Variants in USP37 observed in about 807,000 individuals in gnomAD.
The protein encoded by USP37 is ubiquitin carboxyl-terminal hydrolase 37.
Under a neutral mutation model 124.0 loss-of-function variants are expected in USP37, and 27 were observed. That is an observed-to-expected ratio of 0.22 (90% CI 0.16 to 0.30). The LOEUF is 0.30. USP37 is among the 10% of genes least tolerant of loss of function. The pLI, the probability that USP37 is intolerant of heterozygous loss-of-function variation, is 1.00. For missense variants in USP37, 889 were observed against 1,140.4 expected, an observed-to-expected ratio of 0.78 and a Z score of 3.17; for synonymous variants, 365 against 388.0, an observed-to-expected ratio of 0.94 and a Z score of 0.70.
rs1241979317 is a variant in USP37 at position 218,453,801 on chromosome 2, G to A, written c.*1129C>T. The A allele has an allele frequency of 6.6e-6, 1 of 152,182 alleles. No individual in the cohort carries two copies. The highest frequency in any genetic ancestry group is 6.5e-5 in the Admixed American group (1 of 15,276). 9.4% of individuals were successfully genotyped at this position (152,182 alleles called of 1,614,324 possible). ...ATTGCAACCCTATTTTAAGGGCAAA[G>A]CCAGACAGTAAATGGTTAAATGCCC... On this transcript the variant is annotated 3_prime_UTR_variant, in exon 26 of 26. Coordinates refer to ENST00000258399, the MANE Select transcript of USP37 (RefSeq NM_020935.3).
rs538888555 is a variant in USP37, at chr2:218,502,202, CA to C, written c.1026-4046del. Among the ~76,000 whole-genome samples the C allele has an allele frequency of 9.9e-5, 15 of 151,656 alleles. No homozygotes were observed. In the East Asian group the frequency reaches 2.9e-3, roughly 29 times the overall value. ...ACTACTGCAGACAAGAATATTAAAA[CA>C]ACTACTTAAAATATGCTCTACACGA... On this transcript the variant is annotated intron_variant, in intron 11 of 25. Coordinates refer to ENST00000258399, the MANE Select transcript of USP37 (RefSeq NM_020935.3).
At chr2:218,548,145 T>C (rs1157300941) in intron 6 of USP37, among the ~76,000 whole-genome samples, 1 of 152,162 alleles carries the variant, frequency 6.6e-6, no homozygotes, top group Non-Finnish European at 1.5e-5. Context: ...CACAGACCAA[T>C]GATAAGTCTC....
intron 4 of USP37, among the ~76,000 whole-genome samples, chr2:218,555,683 A>G (rs1337063456): frequency 6.6e-6 from 1 of 152,138 alleles, no homozygotes; most frequent in Non-Finnish European, 1.5e-5. Context: ...AACTATTCAT[A>G]TGGTAACGAC....
intron 8 of USP37, among the ~76,000 whole-genome samples, chr2:218,535,690 A>C (rs1351017918): frequency 2.0e-5 from 3 of 152,054 alleles, no homozygotes; most frequent in Non-Finnish European, 4.4e-5. Context: ...CCCTGTCTCT[A>C]CTAAAAATAC....
chr2:218,545,131 A>G (rs1167529123), intron 8 of USP37, among the ~76,000 whole-genome samples: 2 of 152,212 alleles, frequency 1.3e-5, no homozygotes, highest in Non-Finnish European at 2.9e-5. Context: ...CTGTAGGGGC[A>G]AACTAAGGCA....
chr2:218,502,553 C>T (rs936744602), intron 11 of USP37, among the ~76,000 whole-genome samples: 4 of 151,704 alleles, frequency 2.6e-5, no homozygotes, highest in Non-Finnish European at 5.9e-5. Flanking sequence ...AACTAGAAAC[C>T]CACAGATCCA....
rs1453370837 is a variant in USP37, at chr2:218,483,148, T to C, written c.1671-914A>G. 1.5e-4 allele frequency among the ~76,000 whole-genome samples: 23 copies of C among 152,158 alleles called. 1 individual carries two copies. The highest frequency in any genetic ancestry group is 1.4e-3 in the Admixed American group (22 of 15,266). The stretch of plus-strand genomic sequence containing the variant: ...TCTTCAAATATACAATTTGAGAGAA[T>C]ACAAGGACACAACTGATATGAAACC... On this transcript the variant is annotated intron_variant, in intron 16 of 25. Coordinates refer to ENST00000258399, the MANE Select transcript of USP37 (RefSeq NM_020935.3).
chr2:218,500,563 A>G (rs904314948), intron 11 of USP37, among the ~76,000 whole-genome samples: 1 of 151,784 alleles, frequency 6.6e-6, no homozygotes, highest in African/African-American at 2.4e-5. Context: ...TTTAATAGAG[A>G]CGGCGTTTCC....
At chr2:218,567,271 T>TGAA (rs765881353) in intron 1 of USP37, among the ~76,000 whole-genome samples, 2 of 152,192 alleles carry the variant, frequency 1.3e-5, no homozygotes, top group Non-Finnish European at 2.9e-5. Context: ...CTGATGACTT[T>TGAA]TTTCATGGCT....
chr2:218,495,963 C>T lies in USP37; in HGVS notation c.1282-13G>A, dbSNP rs778590229. On this transcript the variant is annotated splice_polypyrimidine_tract_variant and intron_variant, in intron 13 of 25. Transcript: ENST00000258399. Reference sequence around the variant, plus strand: ...ATTCATGAGCATCCTAATAAGACAACAATATCCTTAATCAGATAAAAACAT... The same window carrying T: ...ATTCATGAGCATCCTAATAAGACAATAATATCCTTAATCAGATAAAAACAT... 1 of 1,602,474 alleles carries T rather than the reference C, an allele frequency of 6.2e-7. No homozygotes were observed. Among genetic ancestry groups the T allele is most frequent in the South Asian group, 1.1e-5 (1 of 89,214 alleles).
At chr2:218,506,098 A>T (rs1689664085) in intron 11 of USP37, among the ~76,000 whole-genome samples, 1 of 150,202 alleles carries the variant, frequency 6.7e-6, no homozygotes, top group African/African-American at 2.5e-5. Flanking sequence ...TCCTGGGCTC[A>T]AGAGATCTAC....
intron 9 of USP37, among the ~76,000 whole-genome samples, chr2:218,532,508 G>C (rs1254313691): frequency 6.7e-6 from 1 of 150,190 alleles, no homozygotes; most frequent in Non-Finnish European, 1.5e-5. Flanking sequence ...TGCCACAGCT[G>C]CCTTAGCCTT....
rs372169442 is a variant in USP37 at position 218,520,305 on chromosome 2, A to G, written c.863+9651T>C. ...TCAAAGTTAACAATTCTTTATTATC[A>G]TCATCTAATACCTGACTCATATTTA... is the stretch of plus-strand genomic sequence containing the variant. On this transcript the variant is annotated intron_variant, in intron 10 of 25. Coordinates refer to ENST00000258399, the MANE Select transcript of USP37 (RefSeq NM_020935.3). 2.2e-4 allele frequency among the ~76,000 whole-genome samples: 32 copies of G among 146,548 alleles called. 2 individuals carry two copies. The highest frequency in any genetic ancestry group is 1.6e-3 in the Admixed American group (24 of 14,674).
chr2:218,502,286 C>T (rs1323423700), intron 11 of USP37, among the ~76,000 whole-genome samples: 3 of 151,874 alleles, frequency 2.0e-5, no homozygotes, highest in East Asian at 3.9e-4. Flanking sequence ...TTTTTAAAGA[C>T]CCAAATTAAA....
intron 6 of USP37, among the ~76,000 whole-genome samples, chr2:218,548,274 A>C (rs962981336): frequency 6.6e-6 from 1 of 152,148 alleles, no homozygotes; most frequent in Non-Finnish European, 1.5e-5. Context: ...AGCATACTAC[A>C]TGTCCACTGT....
chr2:218,513,181 C>A (rs887787585), intron 10 of USP37, among the ~76,000 whole-genome samples: 4 of 151,970 alleles, frequency 2.6e-5, no homozygotes, highest in Non-Finnish European at 5.9e-5. Flanking sequence ...TAGGCGTGCA[C>A]CACCATGTCT....
At chr2:218,462,111 T>G (rs1690041440) in intron 22 of USP37, among the ~76,000 whole-genome samples, 1 of 151,890 alleles carries the variant, frequency 6.6e-6, no homozygotes, top group Admixed American at 6.6e-5. Context: ...GAGCCAAGAT[T>G]GTGCCATTGC....
At chr2:218,524,405 A>T (rs1225300157) in intron 10 of USP37, among the ~76,000 whole-genome samples, 1 of 152,068 alleles carries the variant, frequency 6.6e-6, no homozygotes, top group Non-Finnish European at 1.5e-5. Context: ...ACTCCCAGCC[A>T]TCTTTAACTT....
In USP37 at chr2:218,537,117, T is replaced by C. The variant is rs545223375; in HGVS notation, c.681-2411A>G. On this transcript the variant is annotated intron_variant, in intron 8 of 25. Coordinates refer to ENST00000258399, the MANE Select transcript of USP37 (RefSeq NM_020935.3). ...CTTAAAATGGGTCAATTACATGGTATGTAAATTGTAGCTTAATAAAGTTGT... is the reference window on the plus strand; with the variant it reads ...CTTAAAATGGGTCAATTACATGGTACGTAAATTGTAGCTTAATAAAGTTGT... 7.2e-5 allele frequency among the ~76,000 whole-genome samples: 11 copies of C among 152,348 alleles called. No individual in the cohort carries two copies. In the South Asian group the frequency reaches 2.3e-3, roughly 32 times the overall value.
Sources: allele counts gnomAD v4.1 joint callset (sites outside exome capture counted in the v4.1 genomes callset), GRCh38; gene constraint gnomAD v4.1.1; transcripts MANE v1.5; gene names NCBI Gene and HGNC (gene_info 2026-07-23, HGNC 2026-07-21).